Variants in ABR observed in about 807,000 individuals in gnomAD.
ABR encodes ABR activator of RhoGEF and GTPase.
In ABR, 35 loss-of-function variants were observed where a neutral mutation model predicts 107.2. The observed-to-expected ratio is 0.33, with a 90% CI of 0.25 to 0.43. The LOEUF is 0.43. Among genes scored for constraint, ABR ranks in the 20% least tolerant of loss-of-function variants. ABR has a pLI of 1.00. For synonymous variants in ABR, 498 were observed against 462.0 expected (o/e 1.08, Z -1.00); for missense variants, 815 against 1,115.2 (o/e 0.73, Z 3.83).
intron 16 of ABR, among the ~76,000 whole-genome samples, chr17:1,041,209 T>TTAG (rs1763847998): frequency 6.6e-6 from 1 of 152,070 alleles, no homozygotes; most frequent in Admixed American, 6.5e-5. Flanking sequence ...TGAACCACCG[T>TTAG]GCCTGGCCTA....
intron 16 of ABR, among the ~76,000 whole-genome samples, chr17:1,018,701 T>C: frequency 6.6e-6 from 1 of 152,178 alleles, no homozygotes; most frequent in Non-Finnish European, 1.5e-5. Context: ...TGAACTTCAA[T>C]TTCCTCATGG....
intron 16 of ABR, among the ~76,000 whole-genome samples, chr17:1,028,256 A>ATTTTTTTTT (rs564733650): frequency 7.1e-6 from 1 of 141,192 alleles, no homozygotes; most frequent in Admixed American, 7.0e-5. Flanking sequence ...ATGCCCGGCT[A>ATTTTTTTTT]TTTTTTTTTT....
chr17:1,082,021 C>T (rs780581463), intron 5 of ABR, among the ~76,000 whole-genome samples: 21 of 152,242 alleles, frequency 1.4e-4, no homozygotes, highest in Middle Eastern at 3.4e-3. Context: ...TCTGCTGCCT[C>T]TCGGTGGATT....
Position 1,150,374 on chromosome 17 carries a change from G to A in ABR, c.62-25007C>T, listed in dbSNP as rs1228377146. On this transcript the variant is annotated intron_variant, in intron 1 of 22. Transcript: ENST00000302538. This position sits in a 1 kb window ranked among gnomAD's most constrained non-coding sequence, Gnocchi z 4.8. ...TCCGGGTGTGCTGAGCACTTGCTGT[G>A]TGCTGGGAGTTGCGGTAGACACTGT... is the stretch of plus-strand genomic sequence containing the variant. Among the ~76,000 whole-genome samples the A allele has an allele frequency of 6.6e-6, 1 of 152,224 alleles. No homozygotes were observed. Among genetic ancestry groups the A allele is most frequent in the African/African-American group, 2.4e-5 (1 of 41,448 alleles).
chr17:1,146,388 C>A (rs1474442558), intron 1 of ABR, among the ~76,000 whole-genome samples: 1 of 152,136 alleles, frequency 6.6e-6, no homozygotes, highest in African/African-American at 2.4e-5. Flanking sequence ...TACCAGCAAG[C>A]ACAGCCATCA....
chr17:1,077,385 G>A (rs967172881), intron 6 of ABR, among the ~76,000 whole-genome samples: 3 of 152,188 alleles, frequency 2.0e-5, no homozygotes, highest in African/African-American at 7.2e-5. Context: ...TCCTTTTGGG[G>A]AAGGGAGAGG....
intron 17 of ABR, 60 bp from the exon 18 acceptor site, chr17:1,012,857 C>T: frequency 7.1e-7 from 1 of 1,413,986 alleles, no homozygotes; most frequent in South Asian, 1.2e-5. Flanking sequence ...AGGAATGCCC[C>T]CAAAACACAG....
chr17:1,190,749 G>A (rs543581614), upstream of ABR, among the ~76,000 whole-genome samples: 29 of 152,326 alleles, frequency 1.9e-4, no homozygotes, highest in African/African-American at 5.8e-4. Flanking sequence ...TGCTCTCGCC[G>A]TCTGCTGGGA....
intron 1 of ABR, among the ~76,000 whole-genome samples, chr17:1,173,382 C>T (rs747414687): frequency 2.8e-5 from 3 of 107,712 alleles, no homozygotes; most frequent in African/African-American, 7.5e-5. Flanking sequence ...ACCCCCCACA[C>T]ATCACCAACA....
intron 16 of ABR, among the ~76,000 whole-genome samples, chr17:1,026,925 G>A (rs937480477): frequency 2.1e-5 from 3 of 142,490 alleles, no homozygotes; most frequent in South Asian, 2.3e-4. Flanking sequence ...GCTTGGGGGC[G>A]CTTCCAAAAT....
Position 1,179,730 on chromosome 17 carries a change from CGCG to C in ABR, c.-6_-4del. On this transcript the variant is annotated 5_prime_UTR_variant, in exon 1 of 23. Coordinates refer to ENST00000302538, the MANE Select transcript of ABR (RefSeq NM_021962.5). This position sits in a 1 kb window ranked among gnomAD's most constrained non-coding sequence, Gnocchi z 4.9. ...CCCCGGTGGCTGAGCGGCTCCATCC[CGCG>C]GCGGCGGCTCGGTCAGATCCGAAAC... 6 of 1,496,546 alleles carry C rather than the reference CGCG, an allele frequency of 4.0e-6. No homozygotes were observed. Among genetic ancestry groups the C allele is most frequent in the Admixed American group, 1.9e-5 (1 of 51,656 alleles). The allele number at this position is 1,496,546 out of a possible 1,614,324, so 92.7% of individuals were successfully genotyped here.
At chr17:1,095,252 A>C (rs2037333151) in intron 3 of ABR, among the ~76,000 whole-genome samples, 1 of 152,052 alleles carries the variant, frequency 6.6e-6, no homozygotes, top group Non-Finnish European at 1.5e-5. Context: ...CTTCCTCCTC[A>C]ACTTCCCACC....
At position 1,210,157 on chromosome 17, in the gene ABR, C is replaced by A. The variant is rs531728968; in HGVS notation, c.838+18636G>T. On this transcript the variant is annotated intron_variant, in intron 1 of 22. Coordinates refer to the ABR transcript ENST00000574139. The surrounding 1 kb of genome is among the most constrained non-coding windows in gnomAD (Gnocchi z 5.6). The stretch of plus-strand genomic sequence containing the variant: ...TAGAAAGTAACAGAATCTAGAGAGG[C>A]GGAAGCTCAGCCCAGCTGTGTTGGT... Among the ~76,000 whole-genome samples, 2 of 152,184 alleles carry A rather than the reference C, an allele frequency of 1.3e-5. No homozygotes were observed. Among genetic ancestry groups the A allele is most frequent in the Non-Finnish European group, 2.9e-5 (2 of 68,040 alleles).
intron 16 of ABR, among the ~76,000 whole-genome samples, chr17:1,041,530 C>T (rs1420290620): frequency 8.6e-5 from 13 of 151,958 alleles, no homozygotes; most frequent in African/African-American, 7.2e-5. Flanking sequence ...GTCAGGAGTT[C>T]GAGACCAGCC....
At chr17:1,042,039 G>A (rs2030617408) in intron 16 of ABR, among the ~76,000 whole-genome samples, 2 of 152,220 alleles carry the variant, frequency 1.3e-5, no homozygotes, top group Non-Finnish European at 2.9e-5. Context: ...CAGCTGGGAG[G>A]CAGGTGGGGG....
At position 1,006,033 on chromosome 17, in the gene ABR, C is replaced by G. The variant is rs920684863; in HGVS notation, c.*47G>C. ...TTTCAAGTCTGAGTTGGACCCCAGGCTGGAGGGGCTGGTTCCACCACCCGC... is the reference window on the plus strand; with the variant it reads ...TTTCAAGTCTGAGTTGGACCCCAGGGTGGAGGGGCTGGTTCCACCACCCGC... On this transcript the variant is annotated 3_prime_UTR_variant, in exon 23 of 23. Coordinates refer to ENST00000302538, the MANE Select transcript of ABR (RefSeq NM_021962.5). 6.7e-7 allele frequency: 1 copy of G among 1,482,266 alleles called. No individual in the cohort carries two copies. The allele number at this position is 1,482,266 out of a possible 1,614,324, so 91.8% of individuals were successfully genotyped here.
intron 1 of ABR, among the ~76,000 whole-genome samples, chr17:1,172,963 CCTCAGCCCACCCAACA>C (rs1567857312): frequency 8.2e-6 from 1 of 121,344 alleles, no homozygotes; most frequent in African/African-American, 2.7e-5. Flanking sequence ...CCCCCCATCA[CCTCAGCCCACCCAACA>C]CATCACCTCA....
chr17:1,218,451 G>A (rs1204006007), intron 1 of ABR, among the ~76,000 whole-genome samples: 3 of 152,184 alleles, frequency 2.0e-5, no homozygotes, highest in Admixed American at 2.0e-4. Flanking sequence ...GTCTGGAGAG[G>A]TTAACAGTTA....
At chr17:1,146,229 C>T (rs1231393059) in intron 1 of ABR, among the ~76,000 whole-genome samples, 1 of 151,158 alleles carries the variant, frequency 6.6e-6, no homozygotes, top group Non-Finnish European at 1.5e-5. Context: ...CAGCTTGTCT[C>T]TGCTTGTTTC....
Sources: gnomAD v4.1 joint callset for allele counts (sites outside exome capture counted in the v4.1 genomes callset) on GRCh38, gnomAD v4.1.1 for gene constraint, Gnocchi (gnomAD v3.1) non-coding constraint, MANE v1.5 for transcripts, NCBI Gene and HGNC (gene_info 2026-07-23, HGNC 2026-07-21) for gene names.